The following SLC43A3 variants were observed in gnomAD, a reference collection of about 807,000 sequenced individuals.
The protein encoded by SLC43A3 is solute carrier family 43 member 3.
A neutral mutation model predicts 53.3 loss-of-function variants in SLC43A3; 33 were observed. That is an observed-to-expected ratio of 0.62 (90% CI 0.47 to 0.83). SLC43A3 has a LOEUF of 0.83. Ranked by LOEUF, SLC43A3 falls within the 40% of genes least tolerant of loss-of-function variation. The pLI is 0.00. For missense variants in SLC43A3, 530 were observed against 610.0 expected (o/e 0.87, Z 1.38); for synonymous variants, 236 against 246.2 (o/e 0.96, Z 0.39).
intron 6 of SLC43A3, 29 bp from the exon 7 acceptor site, chr11:57,421,093 CT>C (rs747651379): frequency 6.6e-6 from 10 of 1,517,154 alleles, no homozygotes; most frequent in African/African-American, 1.4e-5. Context: ...GCCTGGATCA[CT>C]TATTTATTCA....
rs144879611 is a variant in SLC43A3 at position 57,414,599 on chromosome 11, C to T, written c.1060+16G>A. The T allele has an allele frequency of 4.6e-3, 7,046 of 1,531,368 alleles. 21 individuals carry two copies. The highest frequency in any genetic ancestry group is 5.5e-3 in the Non-Finnish European group (6,055 of 1,104,646). 94.9% of individuals were successfully genotyped at this position (1,531,368 alleles called of 1,614,324 possible). The stretch of plus-strand genomic sequence containing the variant: ...CCTGGTTCCCTGACCAGCCCCTGCC[C>T]TCCCCCGCATCTCACCTGTCTTTCT... On this transcript the variant is annotated intron_variant, in intron 11 of 13. Transcript: ENST00000395124.
At chr11:57,418,347 AAAAGG>A (rs1942819932) in intron 7 of SLC43A3, among the ~76,000 whole-genome samples, 1 of 152,080 alleles carries the variant, frequency 6.6e-6, no homozygotes, top group African/African-American at 2.4e-5. Flanking sequence ...ATAAAAAAAA[AAAAGG>A]AAAGGAAAGA....
In SLC43A3 at chr11:57,425,645, G is replaced by A; in HGVS notation, c.210C>T (p.Phe70=). The change falls in exon 4 of 14, where the codon TTC becomes TTT. Residue 70 remains phenylalanine, a synonymous_variant. Coordinates refer to ENST00000395124, the MANE Select transcript of SLC43A3 (RefSeq NM_199329.3). ...AGGACCCCAGGGTGAAGATGAGTGAGAACCTCTCATCCTGGGCTTTGCAGT... is the reference window on the plus strand; with the variant it reads ...AGGACCCCAGGGTGAAGATGAGTGAAAACCTCTCATCCTGGGCTTTGCAGT... ...QADCKAQDER[F]SLIFTLGSFM... The A allele has an allele frequency of 6.2e-7, 1 of 1,614,038 alleles. No homozygotes were observed. The highest frequency in any genetic ancestry group is 8.5e-7 in the Non-Finnish European group (1 of 1,179,896).
At chr11:57,423,754 T>C in intron 5 of SLC43A3, 1 of 499,482 alleles carries the variant, frequency 2.0e-6, no homozygotes, top group Non-Finnish European at 3.6e-6. Flanking sequence ...GAATAAATTC[T>C]ACTCTCTGAA....
At chr11:57,411,797 G>T (rs923561972) in intron 11 of SLC43A3, among the ~76,000 whole-genome samples, 1 of 152,080 alleles carries the variant, frequency 6.6e-6, no homozygotes, top group Non-Finnish European at 1.5e-5. Flanking sequence ...CAATTGTATT[G>T]TTATCAAGTA....
rs1943195450 is a variant in SLC43A3 at position 57,426,298 on chromosome 11, C to G, written c.-126G>C. 1 of 873,054 alleles carries G rather than the reference C, an allele frequency of 1.1e-6. No homozygotes were observed. 54.1% of individuals were successfully genotyped at this position (873,054 alleles called of 1,614,324 possible). A position where few individuals can be genotyped will look rare whatever the true frequency, so the allele number is the denominator to read the frequency against. On this transcript the variant is annotated 5_prime_UTR_variant, in exon 3 of 14. Transcript: ENST00000395124. The stretch of plus-strand genomic sequence containing the variant: ...AAGCCAAGCCCTTCCTTTCCCGTAG[C>G]TCTCTGGTTGTTTCAGGCCTGGGCA...
intron 8 of SLC43A3, among the ~76,000 whole-genome samples, chr11:57,417,355 C>T (rs544531504): frequency 9.6e-4 from 146 of 152,302 alleles, no homozygotes; most frequent in African/African-American, 3.1e-3. Flanking sequence ...CCTGAAATCA[C>T]GGTGTGAATG....
chr11:57,409,900 T>C (rs1942374244), intron 12 of SLC43A3, 35 bp downstream of exon 12: 1 of 1,557,658 alleles, frequency 6.4e-7, no homozygotes, highest in Non-Finnish European at 8.7e-7. Context: ...CCCCAGTGTG[T>C]CCGTCTCCAC....
intron 12 of SLC43A3, 40 bp downstream of exon 12, chr11:57,409,895 G>A (rs767526981): frequency 2.6e-6 from 4 of 1,542,472 alleles, no homozygotes; most frequent in African/African-American, 2.7e-5. Context: ...CTTTGCCCCA[G>A]TGTGTCCGTC....
chr11:57,425,671 C>G lies in SLC43A3; in HGVS notation c.185-1G>C. 1 of 1,613,998 alleles carries G rather than the reference C, an allele frequency of 6.2e-7. No individual in the cohort carries two copies. Among genetic ancestry groups the G allele is most frequent in the Non-Finnish European group, 8.5e-7 (1 of 1,179,996 alleles). ...AACCTCTCATCCTGGGCTTTGCAGT[C>G]TGGAGTAGAAAAAAGGTCTCCCATG... On this transcript the variant is annotated splice_acceptor_variant, in intron 3 of 13. Coordinates refer to ENST00000395124, the MANE Select transcript of SLC43A3 (RefSeq NM_199329.3). LOFTEE classifies it high-confidence loss of function.
At chr11:57,409,625 C>T (rs1216843677) in intron 12 of SLC43A3, among the ~76,000 whole-genome samples, 2 of 152,316 alleles carry the variant, frequency 1.3e-5, no homozygotes, top group East Asian at 1.9e-4. Flanking sequence ...GTACTAAGGG[C>T]ACAAAGAAGG....
intron 5 of SLC43A3, among the ~76,000 whole-genome samples, chr11:57,422,634 C>T (rs1341954704): frequency 1.3e-5 from 2 of 152,188 alleles, no homozygotes; most frequent in Admixed American, 1.3e-4. Context: ...GTTGGAGACT[C>T]CTTTCACAAT....
intron 7 of SLC43A3, 22 bp downstream of exon 7, chr11:57,420,950 T>C (rs1942955661): frequency 6.1e-6 from 9 of 1,483,058 alleles, no homozygotes; most frequent in Non-Finnish European, 8.5e-6. Flanking sequence ...GCCCAGTGAA[T>C]GTAGGCTGTT....
In SLC43A3 at chr11:57,424,018, T is replaced by C. The variant is rs1234303375; in HGVS notation, c.325A>G (p.Thr109Ala). The C allele has an allele frequency of 1.2e-6, 2 of 1,613,900 alleles. No homozygotes were observed. Among genetic ancestry groups the C allele is most frequent in the South Asian group, 1.1e-5 (1 of 91,058 alleles). The change falls in exon 5 of 14, where the codon ACC becomes GCC. Residue 109 changes from threonine (T) to alanine (A), a missense_variant. By Grantham distance (58) the Thr-to-Ala change is moderately conservative. This residue lies in a region of SLC43A3 where 376 missense variants were observed against 386.7 expected (regional missense o/e 0.97). Transcript: ENST00000395124. ...VARLIAIFFY[T>A]TATLIIAFTS... ...AAGGCTATGATGAGTGTGGCGGTGG[T>C]GTAGAAAAATCTGAAACACATAACA... is the stretch of plus-strand genomic sequence containing the variant.
intron 5 of SLC43A3, among the ~76,000 whole-genome samples, chr11:57,422,400 T>G (rs1446866585): frequency 2.6e-5 from 4 of 152,234 alleles, no homozygotes; most frequent in Non-Finnish European, 5.9e-5. Flanking sequence ...CATTCTTTCA[T>G]GAAATCAGAA....
At chr11:57,415,759 T>C (rs1942691503) in intron 9 of SLC43A3, among the ~76,000 whole-genome samples, 3 of 152,176 alleles carry the variant, frequency 2.0e-5, no homozygotes. Flanking sequence ...TTCTTCTTTC[T>C]TTAAAATAAA....
In SLC43A3 at chr11:57,421,015, T is replaced by G. The variant is rs758747422; in HGVS notation, c.488A>C (p.Asn163Thr). The change falls in exon 7 of 14, where the codon AAT (asparagine) becomes ACT (threonine). Residue 163 changes from asparagine (N) to threonine (T), a missense_variant. Transcript: ENST00000395124. ...QHRSTIITLY[N>T]GAFDSSSAVF... is the part of the protein sequence containing the mutation. ...TGCCGAGGAAGAGTCAAATGCTCCA[T>G]TGTACAGAGTGATGATGGTCGAACG... 1 of 1,613,874 alleles carries G rather than the reference T, an allele frequency of 6.2e-7. No individual in the cohort carries two copies. The highest frequency in any genetic ancestry group is 8.5e-7 in the Non-Finnish European group (1 of 1,179,850).
chr11:57,423,959 C>T (rs1040607517), intron 5 of SLC43A3, 23 bp downstream of exon 5: 26 of 1,613,556 alleles, frequency 1.6e-5, no homozygotes, highest in East Asian at 2.2e-5. Context: ...TTGCATCCCT[C>T]CCACCCACCT....
intron 4 of SLC43A3, among the ~76,000 whole-genome samples, chr11:57,425,273 G>A (rs916036544): frequency 3.3e-5 from 5 of 152,204 alleles, no homozygotes; most frequent in Non-Finnish European, 5.9e-5. Context: ...CCTGGCCTCC[G>A]GCTCAATTCA....
Sources: gnomAD v4.1 joint callset for allele counts (sites outside exome capture counted in the v4.1 genomes callset) on GRCh38, gnomAD v4.1.1 for gene constraint, gnomAD v4.1.1 regional missense constraint, MANE v1.5 for transcripts, NCBI Gene and HGNC (gene_info 2026-07-23, HGNC 2026-07-21) for gene names.